Variants in HAPLN1 observed in about 807,000 individuals in gnomAD.
HAPLN1 encodes Cartilage link protein.
Under a neutral mutation model 36.5 loss-of-function variants are expected in HAPLN1, and 13 were observed. The ratio of observed to expected loss-of-function variants is 0.36; its 90% CI spans 0.23 to 0.57. The LOEUF is 0.57. HAPLN1 is among the 20% of genes least tolerant of loss of function. The pLI, the probability that HAPLN1 is intolerant of heterozygous loss-of-function variation, is 0.83. For synonymous variants in HAPLN1, 202 were observed against 169.8 expected (o/e 1.19, Z -1.48); for missense variants, 407 against 439.7 (o/e 0.93, Z 0.66).
chr5:83,654,659 T>C (rs899971292), intron 2 of HAPLN1, among the ~76,000 whole-genome samples: 1 of 152,202 alleles, frequency 6.6e-6, no homozygotes, highest in Non-Finnish European at 1.5e-5. Context: ...TGAAACATAG[T>C]TTAGATATGA....
intron 2 of HAPLN1, among the ~76,000 whole-genome samples, chr5:83,669,229 G>A (rs1364526707): frequency 2.6e-5 from 4 of 152,112 alleles, no homozygotes; most frequent in Non-Finnish European, 1.5e-5. Flanking sequence ...GAGGCTGGGC[G>A]TGGTGGCTCA....
At chr5:83,675,846 C>A (rs1750848348) in intron 1 of HAPLN1, among the ~76,000 whole-genome samples, 1 of 152,126 alleles carries the variant, frequency 6.6e-6, no homozygotes. Context: ...ATTTCCATTT[C>A]TTGGGATACA....
intron 1 of HAPLN1, among the ~76,000 whole-genome samples, chr5:83,693,249 T>C (rs1294289254): frequency 2.0e-5 from 3 of 151,934 alleles, no homozygotes; most frequent in South Asian, 2.1e-4. Context: ...ACTACTGTAG[T>C]AAAATATCAC....
intron 4 of HAPLN1, among the ~76,000 whole-genome samples, chr5:83,642,317 C>T (rs1369868360): frequency 6.6e-6 from 1 of 152,146 alleles, no homozygotes; most frequent in African/African-American, 2.4e-5. Flanking sequence ...TATGAAAATG[C>T]GTAAAATACA....
At chr5:83,647,650 G>A (rs1468076356) in intron 3 of HAPLN1, among the ~76,000 whole-genome samples, 1 of 152,090 alleles carries the variant, frequency 6.6e-6, no homozygotes, top group Non-Finnish European at 1.5e-5. Flanking sequence ...TTTATCCAAT[G>A]TTGCAAAAAT....
chr5:83,719,929 C>G (rs1489498947), intron 1 of HAPLN1, among the ~76,000 whole-genome samples: 1 of 152,148 alleles, frequency 6.6e-6, no homozygotes, highest in East Asian at 1.9e-4. Flanking sequence ...ACTTTCCACC[C>G]TAAAAATTCC....
At chr5:83,656,021 G>A (rs984127230) in intron 2 of HAPLN1, among the ~76,000 whole-genome samples, 11 of 152,252 alleles carry the variant, frequency 7.2e-5, no homozygotes, top group South Asian at 4.1e-4. Context: ...TGAAATTAAT[G>A]TTTAAATCAA....
chr5:83,667,400 A>G (rs1426272836), intron 2 of HAPLN1, among the ~76,000 whole-genome samples: 2 of 152,160 alleles, frequency 1.3e-5, no homozygotes, highest in African/African-American at 4.8e-5. Flanking sequence ...GCTAATTTTT[A>G]TAATTCCACG....
intron 2 of HAPLN1, among the ~76,000 whole-genome samples, chr5:83,665,604 A>T (rs1305192189): frequency 6.6e-6 from 1 of 152,148 alleles, no homozygotes; most frequent in African/African-American, 2.4e-5. Context: ...TTTTTTACCT[A>T]ATCTCCATAC....
rs1185473437 is a variant in HAPLN1 at position 83,638,974 on chromosome 5, C to G, written c.*2522G>C. 1 of 152,038 alleles carries G rather than the reference C, an allele frequency of 6.6e-6. No homozygotes were observed. The allele number at this position is 152,038 out of a possible 1,614,324, so 9.4% of individuals were successfully genotyped here. ...TACATTAAAACAAGGGTTCCTGGCC[C>G]AGCCTCCCATCTAATCTCTTTGATA... On this transcript the variant is annotated 3_prime_UTR_variant, in exon 5 of 5. Transcript: ENST00000274341.
At chr5:83,642,667 T>C (rs1017745697) in intron 4 of HAPLN1, among the ~76,000 whole-genome samples, 3 of 152,186 alleles carry the variant, frequency 2.0e-5, no homozygotes, top group African/African-American at 4.8e-5. Flanking sequence ...TGATTAGACA[T>C]GTAATATGAT....
chr5:83,639,201 AG>A lies in HAPLN1; in HGVS notation c.*2294del, dbSNP rs2112543326. On this transcript the variant is annotated 3_prime_UTR_variant, in exon 5 of 5. Coordinates refer to ENST00000274341, the MANE Select transcript of HAPLN1 (RefSeq NM_001884.4). ...AAGACTCATTCAAGTATGAGTATAA[AG>A]GGCATGGAAATTCTGGTCCTTTGAG... 6.6e-6 allele frequency: 1 copy of A among 152,234 alleles called. No homozygotes were observed. Among genetic ancestry groups the A allele is most frequent in the South Asian group, 2.1e-4 (1 of 4,824 alleles). The allele number at this position is 152,234 out of a possible 1,614,324, so 9.4% of individuals were successfully genotyped here. A position where few individuals can be genotyped will look rare whatever the true frequency, so the allele number is the denominator to read the frequency against.
intron 1 of HAPLN1, among the ~76,000 whole-genome samples, chr5:83,684,089 A>G (rs895069608): frequency 6.6e-6 from 1 of 152,160 alleles, no homozygotes; most frequent in African/African-American, 2.4e-5. Context: ...AGAGACCAGC[A>G]GCATGGCCCC....
intron 1 of HAPLN1, among the ~76,000 whole-genome samples, chr5:83,677,948 G>A (rs1486151953): frequency 6.6e-6 from 1 of 152,192 alleles, no homozygotes; most frequent in African/African-American, 2.4e-5. Flanking sequence ...AACTGTTAGA[G>A]AATGGAAATT....
intron 1 of HAPLN1, among the ~76,000 whole-genome samples, chr5:83,696,273 C>A (rs1246376742): frequency 6.6e-6 from 1 of 151,906 alleles, no homozygotes; most frequent in African/African-American, 2.4e-5. Flanking sequence ...AAATAAATGG[C>A]AAGATATGGT....
chr5:83,697,305 T>C (rs921562367), intron 1 of HAPLN1, among the ~76,000 whole-genome samples: 2 of 152,200 alleles, frequency 1.3e-5, no homozygotes, highest in Non-Finnish European at 2.9e-5. Flanking sequence ...GTGGTCCTTT[T>C]ATGCCTGGCT....
intron 2 of HAPLN1, among the ~76,000 whole-genome samples, chr5:83,672,059 AT>A (rs1460698334): frequency 6.6e-6 from 1 of 152,194 alleles, no homozygotes; most frequent in Non-Finnish European, 1.5e-5. Context: ...TTAAAACACT[AT>A]TCTCATACTC....
intron 1 of HAPLN1, among the ~76,000 whole-genome samples, chr5:83,697,415 T>C (rs1246253074): frequency 6.6e-6 from 1 of 152,196 alleles, no homozygotes; most frequent in African/African-American, 2.4e-5. Context: ...CCTATATAGA[T>C]ACCACATTTT....
chr5:83,710,065 T>A (rs1438812748), intron 1 of HAPLN1, among the ~76,000 whole-genome samples: 1 of 152,164 alleles, frequency 6.6e-6, no homozygotes, highest in African/African-American at 2.4e-5. Flanking sequence ...TATGGACTTG[T>A]GGAATTTGAC....
Sources: allele counts gnomAD v4.1 joint callset (sites outside exome capture counted in the v4.1 genomes callset), GRCh38; gene constraint gnomAD v4.1.1; transcripts MANE v1.5; gene names NCBI Gene and HGNC (gene_info 2026-07-23, HGNC 2026-07-21).